The following AP2A1 variants were observed in gnomAD, a reference collection of about 807,000 sequenced individuals.
AP2A1 encodes adaptor related protein complex 2 subunit alpha 1.
AP2A1 carries 21 observed loss-of-function variants against 107.3 expected under a neutral mutation model. The observed-to-expected ratio is 0.20, with a 90% CI of 0.14 to 0.28. AP2A1 has a LOEUF of 0.28. AP2A1 is among the 10% of genes least tolerant of loss of function. AP2A1 has a pLI of 1.00. For synonymous variants in AP2A1, 602 were observed against 564.8 expected (o/e 1.07, Z -0.93); for missense variants, 873 against 1,307.7 (o/e 0.67, Z 5.13).
chr19:49,801,353 G>A, intron 12 of AP2A1, 37 bp from the exon 13 acceptor site: 3 of 1,584,104 alleles, frequency 1.9e-6, no homozygotes, highest in South Asian at 2.2e-5. Context: ...AGAGGGCAGT[G>A]GAACCTGGCC....
chr19:49,791,950 T>G lies in AP2A1; in HGVS notation c.489T>G (p.Ser163Arg). The G allele has an allele frequency of 6.2e-7, 1 of 1,610,008 alleles. No homozygotes were observed. Among genetic ancestry groups the G allele is most frequent in the East Asian group, 2.2e-5 (1 of 44,782 alleles). The change falls in exon 5 of 23, where the codon AGT becomes AGG. Residue 163 changes from serine (S) to arginine (R), a missense_variant. Physicochemically the swap from Ser to Arg is moderately radical, Grantham distance 110. Transcript: ENST00000354293. ...GTCCCCACAGGGACAGCATGGACAG[T>G]GTCAAGCAGAGTGCGGCCCTGTGCC... ...RILVAGDSMD[S>R]VKQSAALCLL...
chr19:49,801,462 G>A lies in AP2A1; in HGVS notation c.1626G>A (p.Leu542=), dbSNP rs1162153691. Residue 542 remains leucine, a synonymous_variant, in exon 13 of 23, where the codon CTG becomes CTA. Coordinates refer to ENST00000354293, the MANE Select transcript of AP2A1 (RefSeq NM_130787.3). ...GCGTGGCCACGCGGGCGCTGCTGCT[G>A]TCCACCTACATCAAGTTCATCAACC... ...LCSVATRALL[L]STYIKFINLF... 6.2e-7 allele frequency: 1 copy of A among 1,613,808 alleles called. No homozygotes were observed. Among genetic ancestry groups the A allele is most frequent in the Non-Finnish European group, 8.5e-7 (1 of 1,179,848 alleles).
In AP2A1 at chr19:49,790,484, C is replaced by A. The variant is rs142113648; in HGVS notation, c.474-1451C>A. 6.2e-3 allele frequency among the ~76,000 whole-genome samples: 938 copies of A among 152,264 alleles called. 11 individuals carry two copies. The highest frequency in any genetic ancestry group is 0.021 in the African/African-American group (891 of 41,550). Reference sequence around the variant, plus strand: ...GCTCTGCCACCCAGGCTGCAGCCTTCACCTCCCAGGCTAAAGCGATCCTCC... The same window carrying A: ...GCTCTGCCACCCAGGCTGCAGCCTTAACCTCCCAGGCTAAAGCGATCCTCC... On this transcript the variant is annotated intron_variant, in intron 4 of 22. Coordinates refer to ENST00000354293, the MANE Select transcript of AP2A1 (RefSeq NM_130787.3).
At chr19:49,802,535 G>A (rs1355513446) in intron 15 of AP2A1, 2 of 1,605,408 alleles carry the variant, frequency 1.2e-6, no homozygotes, top group South Asian at 1.1e-5. Flanking sequence ...ATGGCTCAGC[G>A]AGCTGGAGCC....
rs1419992087 is a variant in AP2A1 at position 49,794,062 on chromosome 19, G to A, written c.705+970G>A. On this transcript the variant is annotated intron_variant, in intron 6 of 22. Coordinates refer to ENST00000354293, the MANE Select transcript of AP2A1 (RefSeq NM_130787.3). ...ACTACAGGCGCCTGCCACTATGCCCGGCTAATTTTTTGTATTTTTAGTAGA... is the reference window on the plus strand; with the variant it reads ...ACTACAGGCGCCTGCCACTATGCCCAGCTAATTTTTTGTATTTTTAGTAGA... 1.0e-4 allele frequency among the ~76,000 whole-genome samples: 15 copies of A among 146,964 alleles called. No homozygotes were observed. The South Asian group carries it at 3.0e-3, about 30-fold the overall frequency.
intron 1 of AP2A1, among the ~76,000 whole-genome samples, chr19:49,772,157 A>G (rs1048628667): frequency 2.6e-5 from 4 of 151,362 alleles, no homozygotes; most frequent in African/African-American, 9.7e-5. Flanking sequence ...TCCTGGGATC[A>G]AGCTATCCTC....
At chr19:49,775,142 C>T (rs566153404) in intron 1 of AP2A1, among the ~76,000 whole-genome samples, 1 of 152,170 alleles carries the variant, frequency 6.6e-6, no homozygotes, top group South Asian at 2.1e-4. Context: ...ATGGGACGAT[C>T]GCTTGAGCCC....
In AP2A1 at chr19:49,806,209, C is replaced by A. The variant is rs1162898908; in HGVS notation, c.2746C>A (p.Gln916Lys). ...GAGIIQTKAL[Q>K]VGCLLRLEPN... Reference sequence around the variant, plus strand: ...GGGGATCATCCAGACTAAAGCCCTGCAGGTGGGCTGTCTGCTTCGGCTGGA... The same window carrying A: ...GGGGATCATCCAGACTAAAGCCCTGAAGGTGGGCTGTCTGCTTCGGCTGGA... Residue 916 changes from glutamine (Q) to lysine (K), a missense_variant, in exon 22 of 23, where the codon CAG becomes AAG. This residue lies in a region of AP2A1 where 416 missense variants were observed against 473.4 expected (regional missense o/e 0.88). Transcript: ENST00000354293. 3 of 1,605,294 alleles carry A rather than the reference C, an allele frequency of 1.9e-6. No individual in the cohort carries two copies. Among genetic ancestry groups the A allele is most frequent in the Non-Finnish European group, 1.7e-6 (2 of 1,176,324 alleles).
At position 49,806,971 on chromosome 19, in the gene AP2A1, T is replaced by A. The variant is rs759597668; in HGVS notation, c.*213T>A. On this transcript the variant is annotated 3_prime_UTR_variant, in exon 23 of 23. Transcript: ENST00000354293. ...TTAGGGGGAGTCCCCCTCCCTCCCT[T>A]TCCCCCCCAAGCACAGAGGGGAGAG... 7.2e-6 allele frequency: 11 copies of A among 1,531,454 alleles called. No homozygotes were observed. In the Admixed American group the frequency reaches 1.4e-4, roughly 19 times the overall value. The allele number at this position is 1,531,454 out of a possible 1,614,324, so 94.9% of individuals were successfully genotyped here. A position where few individuals can be genotyped will look rare whatever the true frequency, so the allele number is the denominator to read the frequency against.
chr19:49,773,802 A>G lies in AP2A1; in HGVS notation c.67+6602A>G, dbSNP rs562808134. 2.0e-5 allele frequency among the ~76,000 whole-genome samples: 3 copies of G among 152,120 alleles called. No individual in the cohort carries two copies. The South Asian group carries it at 6.2e-4, about 32-fold the overall frequency. ...GCAGAGAATCTAACTAAGTGGGGGA[A>G]TGGTGCATGCATGACTCTGGAAGAG... On this transcript the variant is annotated intron_variant, in intron 1 of 22. Coordinates refer to ENST00000354293, the MANE Select transcript of AP2A1 (RefSeq NM_130787.3).
At position 49,803,298 on chromosome 19, in the gene AP2A1, C is replaced by G; in HGVS notation, c.2266C>G (p.Leu756Val). 2.5e-6 allele frequency: 4 copies of G among 1,613,948 alleles called. No homozygotes were observed. Among genetic ancestry groups the G allele is most frequent in the Non-Finnish European group, 2.5e-6 (3 of 1,179,888 alleles). ...CCCACCTACTGCAGGCCGCATGTAT[C>G]TCTTCTATGGCAACAAGACCTCGGT... ...EFRQNLGRMY[L>V]FYGNKTSVQF... Residue 756 changes from leucine to valine, a missense_variant, in exon 18 of 23, where the codon CTC becomes GTC. Physicochemically the swap from Leu to Val is conservative, Grantham distance 32 (BLOSUM62 1). Transcript: ENST00000354293.
chr19:49,779,518 C>T (rs963260042), intron 1 of AP2A1, among the ~76,000 whole-genome samples: 10 of 116,566 alleles, frequency 8.6e-5, no homozygotes, highest in African/African-American at 3.2e-4. Flanking sequence ...AAAACAGAAA[C>T]AGGCAAAATT....
intron 4 of AP2A1, among the ~76,000 whole-genome samples, chr19:49,784,484 C>T (rs1314079435): frequency 2.0e-5 from 3 of 150,958 alleles, no homozygotes; most frequent in Non-Finnish European, 4.4e-5. Flanking sequence ...TGGAATTATA[C>T]AGAATGTAAA....
intron 4 of AP2A1, among the ~76,000 whole-genome samples, chr19:49,783,015 G>A (rs775000057): frequency 6.6e-5 from 10 of 152,190 alleles, no homozygotes; most frequent in Non-Finnish European, 1.0e-4. Context: ...TGTGGGTGAC[G>A]GCCCTCCAGA....
Position 49,802,486 on chromosome 19 carries a change from C to A in AP2A1, c.2114+345C>A, listed in dbSNP as rs201377579. ...CTCGCTGCCTATGTGGAATTGGCTG[C>A]CTGCCACGCCTGTCTTCTCTTGTCT... On this transcript the variant is annotated intron_variant, in intron 15 of 22. Coordinates refer to ENST00000354293, the MANE Select transcript of AP2A1 (RefSeq NM_130787.3). The A allele has an allele frequency of 7.1e-5, 112 of 1,586,302 alleles. 1 individual carries two copies. In the South Asian group the frequency reaches 1.2e-3, roughly 17 times the overall value.
chr19:49,800,211 T>TGGCCGG, intron 11 of AP2A1, 61 bp downstream of exon 11: 11 of 1,524,384 alleles, frequency 7.2e-6, no homozygotes, highest in South Asian at 1.2e-5. Flanking sequence ...AGAGCAAGGA[T>TGGCCGG]GGCCGGGGCC....
rs1315967413 is a variant in AP2A1, at chr19:49,795,668, C to T, written c.744C>T (p.Thr248=). 2 of 1,574,834 alleles carry T rather than the reference C, an allele frequency of 1.3e-6. No homozygotes were observed. Among genetic ancestry groups the T allele is most frequent in the East Asian group, 4.7e-5 (2 of 42,798 alleles). Residue 248 remains threonine (T), a synonymous_variant, in exon 7 of 23, where the codon ACC becomes ACT. Transcript: ENST00000354293. ...CCTCCACCGACCTCCAGGACTACACCTACTACTTCGTCCCAGCACCCTGGC... is the reference window on the plus strand; with the variant it reads ...CCTCCACCGACCTCCAGGACTACACTTACTACTTCGTCCCAGCACCCTGGC... ...SSASTDLQDY[T]YYFVPAPWLS... is the part of the protein sequence containing the mutation.
rs552356917 is a variant in AP2A1, at chr19:49,788,321, T to C, written c.474-3614T>C. ...TTTAACATTTTCCTAAGTAGCGCCA[T>C]AGCCCTTATTCCACTTAACCAAGTT... is the stretch of plus-strand genomic sequence containing the variant. On this transcript the variant is annotated intron_variant, in intron 4 of 22. Transcript: ENST00000354293. This position sits in a 1 kb window ranked among gnomAD's most constrained non-coding sequence, Gnocchi z 4.5. Among the ~76,000 whole-genome samples, 31 of 152,340 alleles carry C rather than the reference T, an allele frequency of 2.0e-4. No individual in the cohort carries two copies. The highest frequency in any genetic ancestry group is 7.5e-4 in the African/African-American group (31 of 41,578).
chr19:49,793,193 C>A, intron 6 of AP2A1, 101 bp downstream of exon 6: 3 of 1,108,278 alleles, frequency 2.7e-6, no homozygotes, highest in Non-Finnish European at 3.9e-6. Context: ...CAGCCCAGCC[C>A]AAGGTTTACA....
Sources: gnomAD v4.1 joint callset for allele counts (sites outside exome capture counted in the v4.1 genomes callset) on GRCh38, gnomAD v4.1.1 for gene constraint, gnomAD v4.1.1 regional missense constraint, Gnocchi (gnomAD v3.1) non-coding constraint, MANE v1.5 for transcripts, NCBI Gene and HGNC (gene_info 2026-07-23, HGNC 2026-07-21) for gene names.